The following GBE1 variants were observed in gnomAD, a reference collection of about 807,000 sequenced individuals.
The protein encoded by GBE1 is 1,4-alpha-glucan-branching enzyme.
Under a neutral mutation model 88.8 loss-of-function variants are expected in GBE1, and 70 were observed. That is an observed-to-expected ratio of 0.79 (90% CI 0.65 to 0.96). GBE1 has a LOEUF of 0.96. Ranked by LOEUF, GBE1 falls within the 40% of genes least tolerant of loss-of-function variation. The probability of loss-of-function intolerance (pLI) is 0.00; values close to 1 mark genes in which losing one functional copy is unlikely to be tolerated. For missense variants in GBE1, 872 were observed against 871.0 expected (o/e 1.00, Z -0.01); for synonymous variants, 284 against 300.1 (o/e 0.95, Z 0.56).
chr3:81,725,085 G>A (rs867693996), intron 1 of GBE1, among the ~76,000 whole-genome samples: 6 of 152,182 alleles, frequency 3.9e-5, no homozygotes, highest in Admixed American at 2.0e-4. Context: ...TCTGCTGGTA[G>A]ACGTGTTGCT....
chr3:81,741,385 T>TA (rs1371508739), intron 1 of GBE1, among the ~76,000 whole-genome samples: 4 of 152,154 alleles, frequency 2.6e-5, no homozygotes, highest in Non-Finnish European at 5.9e-5. Flanking sequence ...TGGTTGTATT[T>TA]AAAAGTGTAA....
chr3:81,741,265 C>T (rs1375398330), intron 1 of GBE1, among the ~76,000 whole-genome samples: 3 of 152,030 alleles, frequency 2.0e-5, no homozygotes, highest in Non-Finnish European at 4.4e-5. Context: ...GTATAATAAT[C>T]AGTAAGTTTG....
chr3:81,625,040 T>C (rs1704391986), intron 7 of GBE1, among the ~76,000 whole-genome samples: 1 of 136,754 alleles, frequency 7.3e-6, no homozygotes, highest in African/African-American at 2.8e-5. Flanking sequence ...TTTCCTGACA[T>C]AGACTCAAAT....
intron 11 of GBE1, among the ~76,000 whole-genome samples, chr3:81,580,882 T>C (rs1220251036): frequency 1.3e-5 from 2 of 152,086 alleles, no homozygotes; most frequent in Non-Finnish European, 1.5e-5. Flanking sequence ...AAACATATAA[T>C]ACTTGCAACT....
At chr3:81,740,865 C>T (rs540220917) in intron 1 of GBE1, among the ~76,000 whole-genome samples, 3 of 152,166 alleles carry the variant, frequency 2.0e-5, no homozygotes, top group African/African-American at 7.2e-5. Context: ...TTAGGGAATT[C>T]ACCCTCTCAG....
At chr3:81,517,675 T>C (rs546557891) in intron 14 of GBE1, among the ~76,000 whole-genome samples, 1 of 151,636 alleles carries the variant, frequency 6.6e-6, no homozygotes, top group South Asian at 2.1e-4. Flanking sequence ...AATATATTAA[T>C]TGTGAATTCT....
intron 7 of GBE1, among the ~76,000 whole-genome samples, chr3:81,597,054 AT>A (rs1416413117): frequency 6.6e-6 from 1 of 151,914 alleles, no homozygotes; most frequent in Non-Finnish European, 1.5e-5. Context: ...AATTAGAAAT[AT>A]TGTTCAATGT....
At chr3:81,527,918 G>A (rs1350067816) in intron 14 of GBE1, among the ~76,000 whole-genome samples, 1 of 152,002 alleles carries the variant, frequency 6.6e-6, no homozygotes, top group African/African-American at 2.4e-5. Flanking sequence ...ACATGCACAC[G>A]TATGTTTATT....
At chr3:81,742,289 A>G (rs1298220760) in intron 1 of GBE1, among the ~76,000 whole-genome samples, 1 of 152,074 alleles carries the variant, frequency 6.6e-6, no homozygotes, top group Non-Finnish European at 1.5e-5. Context: ...TGAACGTTAT[A>G]AAAAAATCAG....
At chr3:81,640,686 A>T (rs1017482716) in intron 7 of GBE1, among the ~76,000 whole-genome samples, 3 of 151,962 alleles carry the variant, frequency 2.0e-5, no homozygotes, top group Non-Finnish European at 4.4e-5. Context: ...TTAATAGTAT[A>T]AACCTATATA....
rs58899195 is a variant in GBE1, at chr3:81,552,520, T to TA, written c.1619-15426dup. On this transcript the variant is annotated intron_variant, in intron 12 of 15. Coordinates refer to ENST00000429644, the MANE Select transcript of GBE1 (RefSeq NM_000158.4). The stretch of plus-strand genomic sequence containing the variant: ...AGACAGAGCAAGGCTCTATCTTATA[T>TA]AAAAAAAAAAAAAAAAAAAAAAAAA... Among the ~76,000 whole-genome samples the TA allele has an allele frequency of 3.4e-3, 191 of 55,824 alleles. 11 individuals carry two copies. The highest frequency in any genetic ancestry group is 8.6e-3 in the African/African-American group (135 of 15,634). 36.6% of individuals were successfully genotyped at this position (55,824 alleles called of 152,430 possible). A position where few individuals can be genotyped will look rare whatever the true frequency, so the allele number is the denominator to read the frequency against.
chr3:81,678,111 C>T (rs916356816), intron 2 of GBE1, among the ~76,000 whole-genome samples: 6 of 152,158 alleles, frequency 3.9e-5, no homozygotes, highest in Middle Eastern at 3.4e-3. Context: ...ATACTTATGC[C>T]GGCCTACATG....
At chr3:81,584,025 G>A (rs1442049262) in intron 10 of GBE1, among the ~76,000 whole-genome samples, 4 of 151,820 alleles carry the variant, frequency 2.6e-5, no homozygotes, top group South Asian at 2.1e-4. Flanking sequence ...AAAATACTAG[G>A]TGCTCAATAA....
intron 1 of GBE1, among the ~76,000 whole-genome samples, chr3:81,711,519 A>T (rs564059151): frequency 6.6e-6 from 1 of 152,196 alleles, no homozygotes; most frequent in Non-Finnish European, 1.5e-5. Context: ...GATGTGTAGT[A>T]TTATTTCTGA....
intron 10 of GBE1, among the ~76,000 whole-genome samples, chr3:81,583,815 G>T (rs1703763442): frequency 6.6e-6 from 1 of 152,032 alleles, no homozygotes; most frequent in Admixed American, 6.6e-5. Flanking sequence ...TTGTGGCAAT[G>T]AACGTGTTTT....
chr3:81,654,605 A>C (rs888995534), intron 3 of GBE1: 3 of 152,186 alleles, frequency 2.0e-5, no homozygotes, highest in African/African-American at 7.2e-5. Context: ...TGCCCCAATT[A>C]TACTACAAAT....
At chr3:81,761,089 C>T (rs1360421814) in intron 1 of GBE1, among the ~76,000 whole-genome samples, 2 of 152,232 alleles carry the variant, frequency 1.3e-5, no homozygotes, top group Non-Finnish European at 2.9e-5. Context: ...GTGTTGGAGC[C>T]ACAGCACGTA....
At chr3:81,661,240 A>G (rs549319410) in intron 3 of GBE1, among the ~76,000 whole-genome samples, 2 of 152,300 alleles carry the variant, frequency 1.3e-5, no homozygotes, top group South Asian at 4.1e-4. Flanking sequence ...AGATGATAAA[A>G]TACAACATAT....
intron 12 of GBE1, among the ~76,000 whole-genome samples, chr3:81,547,201 G>C (rs981241500): frequency 1.3e-5 from 2 of 151,390 alleles, no homozygotes; most frequent in African/African-American, 4.8e-5. Flanking sequence ...AGATTTAAAG[G>C]CTCCTCTCAG....
Sources: gnomAD v4.1 joint callset for allele counts (sites outside exome capture counted in the v4.1 genomes callset) on GRCh38, gnomAD v4.1.1 for gene constraint, MANE v1.5 for transcripts, NCBI Gene and HGNC (gene_info 2026-07-23, HGNC 2026-07-21) for gene names.